Variants in FAT3 observed in about 807,000 individuals in gnomAD.
FAT3 encodes protocadherin Fat 3.
FAT3 carries 95 observed loss-of-function variants against 310.2 expected under a neutral mutation model. That is an observed-to-expected ratio of 0.31 (90% CI 0.26 to 0.36). The LOEUF is 0.36. Ranked by LOEUF, FAT3 falls within the 10% of genes least tolerant of loss-of-function variation. FAT3 has a pLI of 1.00. For synonymous variants in FAT3, 2,314 were observed against 2,192.9 expected, an observed-to-expected ratio of 1.06 and a Z score of -1.54; for missense variants, 5,408 against 5,715.6, an observed-to-expected ratio of 0.95 and a Z score of 1.74.
rs925897616 is a variant in FAT3, at chr11:92,524,776, C to T, written c.3435C>T (p.Ala1145=). Residue 1145 remains alanine, a synonymous_variant, in exon 3 of 28, where the codon GCC becomes GCT. Transcript: ENST00000525166. ...YIEVEDVNDN[A]PLTSEPIYYP... Reference sequence around the variant, plus strand: ...AAGTTGAAGATGTGAATGACAATGCCCCGCTGACCTCAGAACCTATATATT... The same window carrying T: ...AAGTTGAAGATGTGAATGACAATGCTCCGCTGACCTCAGAACCTATATATT... 10 of 1,613,578 alleles carry T rather than the reference C, an allele frequency of 6.2e-6. No homozygotes were observed. The Admixed American group carries it at 8.3e-5, about 13-fold the overall frequency.
rs966882024 is a variant in FAT3, at chr11:92,875,472, C to A, written c.12128-5259C>A. The stretch of plus-strand genomic sequence containing the variant: ...AGCAATCAGCTTCTCTGTACCTCAG[C>A]TGCCTCTTCTATAGCGTGCTTCTAA... On this transcript the variant is annotated intron_variant, in intron 22 of 27. Coordinates refer to ENST00000525166, the MANE Select transcript of FAT3 (RefSeq NM_001367949.2). Among the ~76,000 whole-genome samples the A allele has an allele frequency of 2.0e-5, 3 of 151,074 alleles. No individual in the cohort carries two copies. In the Admixed American group the frequency reaches 2.0e-4, roughly 10 times the overall value.
chr11:92,409,745 C>T (rs1950211792), intron 2 of FAT3, among the ~76,000 whole-genome samples: 1 of 152,062 alleles, frequency 6.6e-6, no homozygotes, highest in South Asian at 2.1e-4. Context: ...AGTTAGAAGC[C>T]AGCATGATTG....
At chr11:92,343,935 C>A (rs1165102831) in intron 1 of FAT3, among the ~76,000 whole-genome samples, 3 of 152,100 alleles carry the variant, frequency 2.0e-5, no homozygotes, top group Non-Finnish European at 4.4e-5. Flanking sequence ...AATTTTATTT[C>A]ACAAAACACT....
intron 2 of FAT3, among the ~76,000 whole-genome samples, chr11:92,487,311 A>G (rs1952444092): frequency 1.3e-5 from 2 of 152,154 alleles, no homozygotes; most frequent in Admixed American, 1.3e-4. Flanking sequence ...GAAATAAAAC[A>G]TTTGCAGGCT....
intron 23 of FAT3, among the ~76,000 whole-genome samples, chr11:92,881,209 G>C (rs1565674862): frequency 6.6e-6 from 1 of 152,212 alleles, no homozygotes; most frequent in Non-Finnish European, 1.5e-5. Flanking sequence ...TTCGGAGGCA[G>C]ACATACTACC....
intron 1 of FAT3, among the ~76,000 whole-genome samples, chr11:92,299,113 G>T (rs1049998644): frequency 6.6e-6 from 1 of 152,070 alleles, no homozygotes; most frequent in Non-Finnish European, 1.5e-5. Context: ...TCTGGCTGAG[G>T]TCTGGAAAGG....
chr11:92,557,856 AAG>A (rs748755151), intron 3 of FAT3, among the ~76,000 whole-genome samples: 2 of 152,232 alleles, frequency 1.3e-5, no homozygotes, highest in Admixed American at 6.5e-5. Context: ...AGGAAAATAA[AAG>A]AGCCAATCCT....
chr11:92,695,863 C>G (rs1225041815), intron 3 of FAT3, among the ~76,000 whole-genome samples: 1 of 152,090 alleles, frequency 6.6e-6, no homozygotes, highest in Admixed American at 6.6e-5. Context: ...GCCACCTAAC[C>G]CTGTTAAACA....
chr11:92,499,084 T>C (rs1952850932), intron 2 of FAT3: 1 of 152,118 alleles, frequency 6.6e-6, no homozygotes, highest in Non-Finnish European at 1.5e-5. Context: ...TTAGCAAGCA[T>C]TTATTGAAGA....
chr11:92,618,553 G>A (rs530437437), intron 3 of FAT3, among the ~76,000 whole-genome samples: 4 of 152,304 alleles, frequency 2.6e-5, no homozygotes, highest in South Asian at 4.1e-4. Context: ...CGTCTTTTGC[G>A]TGACTCACGC....
chr11:92,246,123 T>TG (rs1334465539), intron 1 of FAT3, among the ~76,000 whole-genome samples: 1 of 152,016 alleles, frequency 6.6e-6, no homozygotes, highest in African/African-American at 2.4e-5. Context: ...CTCTGCCAGA[T>TG]GGCAGTGGAT....
At chr11:92,462,797 T>C (rs1025690304) in intron 2 of FAT3, among the ~76,000 whole-genome samples, 1 of 152,204 alleles carries the variant, frequency 6.6e-6, no homozygotes, top group Non-Finnish European at 1.5e-5. Flanking sequence ...GAATTGAAAT[T>C]CCTACAATAT....
At chr11:92,864,976 C>T (rs886455496) in intron 21 of FAT3, among the ~76,000 whole-genome samples, 1 of 152,148 alleles carries the variant, frequency 6.6e-6, no homozygotes, top group Admixed American at 6.5e-5. Flanking sequence ...GACAGAGTAG[C>T]CTTGTAAAAT....
rs77099804 is a variant in FAT3, at chr11:92,379,257, T to A, written c.3292+23853T>A. Among the ~76,000 whole-genome samples the A allele has an allele frequency of 1.8e-4, 28 of 152,304 alleles. No individual in the cohort carries two copies. In the East Asian group the frequency reaches 5.4e-3, roughly 29 times the overall value. On this transcript the variant is annotated intron_variant, in intron 2 of 27. Coordinates refer to ENST00000525166, the MANE Select transcript of FAT3 (RefSeq NM_001367949.2). ...TATAGCACAAAGCACATTGCCTAGATTCTTATATATTTATTTCACTTTTCT... is the reference window on the plus strand; with the variant it reads ...TATAGCACAAAGCACATTGCCTAGAATCTTATATATTTATTTCACTTTTCT...
chr11:92,605,717 A>AT (rs1430434854), intron 3 of FAT3, among the ~76,000 whole-genome samples: 9 of 89,586 alleles, frequency 1.0e-4, no homozygotes, highest in South Asian at 5.8e-4. Context: ...TAAAATAGCT[A>AT]TGTTTTTTTT....
intron 1 of FAT3, among the ~76,000 whole-genome samples, chr11:92,241,626 G>A (rs1471240027): frequency 6.6e-6 from 1 of 152,038 alleles, no homozygotes; most frequent in Admixed American, 6.6e-5. Context: ...AATAGTTACT[G>A]AAGGTGGAGG....
At chr11:92,247,259 G>T (rs187473386) in intron 1 of FAT3, among the ~76,000 whole-genome samples, 70 of 151,958 alleles carry the variant, frequency 4.6e-4, no homozygotes, top group African/African-American at 1.6e-3. Context: ...AATATAGAAG[G>T]CTCTTGCCTT....
intron 11 of FAT3, among the ~76,000 whole-genome samples, chr11:92,805,964 G>A (rs1250720756): frequency 6.6e-6 from 1 of 152,186 alleles, no homozygotes; most frequent in African/African-American, 2.4e-5. Flanking sequence ...AATGCCAAAT[G>A]CTGGTAGTGG....
chr11:92,375,924 A>G (rs1279061702), intron 2 of FAT3, among the ~76,000 whole-genome samples: 1 of 152,238 alleles, frequency 6.6e-6, no homozygotes, highest in East Asian at 1.9e-4. Context: ...TTTTACTCAC[A>G]GAACTCTTTA....
Sources: gnomAD v4.1 joint callset for allele counts (sites outside exome capture counted in the v4.1 genomes callset) on GRCh38, gnomAD v4.1.1 for gene constraint, MANE v1.5 for transcripts, NCBI Gene and HGNC (gene_info 2026-07-23, HGNC 2026-07-21) for gene names.